AK9: variants seen among roughly 807,000 people sequenced by gnomAD.
AK9 encodes the protein adenylate kinase 9, also known as adenylate kinase domain containing 1.
A neutral mutation model predicts 239.6 loss-of-function variants in AK9; 191 were observed. That is an observed-to-expected ratio of 0.80 (90% CI 0.71 to 0.90). The LOEUF (loss-of-function observed/expected upper bound fraction) is 0.90, where lower values mean the gene tolerates loss of function less well. Among genes scored for constraint, AK9 ranks in the 40% least tolerant of loss-of-function variants. The pLI is 0.00. For missense variants in AK9, 1,995 were observed against 2,214.7 expected, an observed-to-expected ratio of 0.90 and a Z score of 1.99; for synonymous variants, 689 against 721.0, an observed-to-expected ratio of 0.96 and a Z score of 0.71.
At chr6:109,519,890 T>C (rs935117039) in intron 29 of AK9, among the ~76,000 whole-genome samples, 1 of 152,200 alleles carries the variant, frequency 6.6e-6, no homozygotes, top group Non-Finnish European at 1.5e-5. Context: ...GTTGGCTGCA[T>C]GTATGTCTTC....
At chr6:109,641,709 C>A in intron 9 of AK9, 93 bp from the exon 10 acceptor site, 1 of 1,016,136 alleles carries the variant, frequency 9.8e-7, no homozygotes, top group Non-Finnish European at 1.5e-6. Context: ...AGACCATGCT[C>A]CCCCTGACTC....
chr6:109,561,362 C>G, intron 24 of AK9, among the ~76,000 whole-genome samples: 1 of 152,186 alleles, frequency 6.6e-6, no homozygotes, highest in Non-Finnish European at 1.5e-5. Context: ...GTTGCCCAGG[C>G]TGGAGTGCAG....
At chr6:109,653,570 T>C (rs1303778100) in intron 8 of AK9, among the ~76,000 whole-genome samples, 1 of 152,218 alleles carries the variant, frequency 6.6e-6, no homozygotes, top group Non-Finnish European at 1.5e-5. Context: ...TTCCTTTCTA[T>C]GATTTATCTT....
intron 1 of AK9, among the ~76,000 whole-genome samples, chr6:109,686,676 C>T (rs952649520): frequency 6.6e-6 from 1 of 152,228 alleles, no homozygotes; most frequent in Non-Finnish European, 1.5e-5. Flanking sequence ...AGGAGCCTCT[C>T]TCTGTAGATC....
rs1424785607 is a variant in AK9, at chr6:109,591,712, G to A, written c.1843-5640C>T. ...GCTTTTATGTTTAGAAGTCCTTTGAGCATTTGTTGTAGGTACAGTCTAGTG... is the reference window on the plus strand; with the variant it reads ...GCTTTTATGTTTAGAAGTCCTTTGAACATTTGTTGTAGGTACAGTCTAGTG... On this transcript the variant is annotated intron_variant, in intron 17 of 40. Coordinates refer to ENST00000424296, the MANE Select transcript of AK9 (RefSeq NM_001145128.3). Among the ~76,000 whole-genome samples, 12 of 152,230 alleles carry A rather than the reference G, an allele frequency of 7.9e-5. No individual in the cohort carries two copies. The South Asian group carries it at 2.3e-3, about 29-fold the overall frequency.
chr6:109,514,438 C>G lies in AK9; in HGVS notation c.4066-1G>C. 6.5e-7 allele frequency: 1 copy of G among 1,539,408 alleles called. No individual in the cohort carries two copies. The highest frequency in any genetic ancestry group is 1.2e-5 in the South Asian group (1 of 82,722). On this transcript the variant is annotated splice_acceptor_variant, in intron 31 of 40. Transcript: ENST00000424296. LOFTEE classifies it high-confidence loss of function. ...GCTTGATTGTCTCTCCTTCACTTAG[C>G]TGCAACATATACACAGTTGAATTTG...
At chr6:109,663,024 C>T (rs1800636827) in intron 5 of AK9, among the ~76,000 whole-genome samples, 2 of 151,956 alleles carry the variant, frequency 1.3e-5, no homozygotes, top group East Asian at 1.9e-4. Flanking sequence ...ATAGGGGTTG[C>T]ATGCCATATT....
At position 109,507,031 on chromosome 6, in the gene AK9, G is replaced by A. The variant is rs142017180; in HGVS notation, c.4482-231C>T. ...TCCAAACACAGTTCAGAAGGTGGGC[G>A]TAGGAGAGAGCTCTGAATTTCTACA... On this transcript the variant is annotated intron_variant, in intron 33 of 40. Transcript: ENST00000424296. 2.5e-3 allele frequency among the ~76,000 whole-genome samples: 386 copies of A among 152,326 alleles called. 1 individual carries two copies. Among genetic ancestry groups the A allele is most frequent in the African/African-American group, 8.8e-3 (366 of 41,578 alleles).
intron 12 of AK9, among the ~76,000 whole-genome samples, chr6:109,626,342 C>T (rs867388503): frequency 6.8e-4 from 103 of 152,192 alleles, no homozygotes; most frequent in African/African-American, 2.4e-3. Context: ...ATATGGGTAA[C>T]GTTTTCCTGT....
At chr6:109,564,703 G>GA in intron 22 of AK9, 53 bp downstream of exon 22, 1 of 1,390,600 alleles carries the variant, frequency 7.2e-7, no homozygotes. Context: ...CCCTTTGTAA[G>GA]AAAATATGAA....
chr6:109,639,730 A>C (rs1329006360), intron 10 of AK9, among the ~76,000 whole-genome samples: 1 of 152,192 alleles, frequency 6.6e-6, no homozygotes, highest in Non-Finnish European at 1.5e-5. Flanking sequence ...GCCCCTGCCT[A>C]CGTCCTGAAT....
chr6:109,603,437 C>T (rs950489413), intron 17 of AK9, among the ~76,000 whole-genome samples: 6 of 152,152 alleles, frequency 3.9e-5, no homozygotes, highest in Admixed American at 1.3e-4. Flanking sequence ...CTGGAAGCTT[C>T]GTCTCAGAGG....
At chr6:109,508,258 C>CT (rs2128106566) in intron 33 of AK9, among the ~76,000 whole-genome samples, 1 of 152,266 alleles carries the variant, frequency 6.6e-6, no homozygotes, top group Non-Finnish European at 1.5e-5. Context: ...AGTAGCTCAA[C>CT]TTCTTTGTCC....
intron 25 of AK9, among the ~76,000 whole-genome samples, chr6:109,548,770 T>C (rs1020167607): frequency 2.6e-5 from 4 of 152,198 alleles, no homozygotes; most frequent in Non-Finnish European, 2.9e-5. Flanking sequence ...GAGCTTTCGA[T>C]GGAAATTTTA....
intron 38 of AK9, among the ~76,000 whole-genome samples, chr6:109,497,088 A>G (rs2024849): frequency 0.37 from 56,815 of 151,650 alleles, 10,673 homozygotes; most frequent in South Asian, 0.44. Context: ...AATACCCTAG[A>G]CCAGGTTTGT....
rs370853204 is a variant in AK9, at chr6:109,497,843, C to T, written c.5169G>A (p.Ala1723=). The change falls in exon 37 of 41, where the codon GCG becomes GCA. Residue 1723 remains alanine, a synonymous_variant. Transcript: ENST00000424296. ...SELKSRFPKC[A]ELQGYCPVTY... ...TCACTGGACAGTAGCCCTGGAGCTC[C>T]GCACACTTAGGGAATCGACTCTTCA... 56 of 1,613,920 alleles carry T rather than the reference C, an allele frequency of 3.5e-5. No individual in the cohort carries two copies. Among genetic ancestry groups the T allele is most frequent in the South Asian group, 2.3e-4 (21 of 91,068 alleles).
intron 24 of AK9, among the ~76,000 whole-genome samples, chr6:109,555,280 T>C (rs937782559): frequency 6.6e-6 from 1 of 152,240 alleles, no homozygotes; most frequent in Non-Finnish European, 1.5e-5. Context: ...CCAGCAATCA[T>C]TCAGGAGCAG....
chr6:109,588,234 C>G (rs537856574), intron 17 of AK9, among the ~76,000 whole-genome samples: 1 of 152,196 alleles, frequency 6.6e-6, no homozygotes, highest in South Asian at 2.1e-4. Context: ...CCATGCCTGG[C>G]TAATTTTTGT....
chr6:109,541,958 C>A (rs759070082), intron 27 of AK9, 89 bp downstream of exon 27: 9 of 1,165,246 alleles, frequency 7.7e-6, no homozygotes, highest in Non-Finnish European at 1.0e-5. Context: ...GGAGAAAGTT[C>A]TTAAATGTAT....
Sources: allele counts gnomAD v4.1 joint callset (sites outside exome capture counted in the v4.1 genomes callset), GRCh38; gene constraint gnomAD v4.1.1; transcripts MANE v1.5; gene names NCBI Gene and HGNC (gene_info 2026-07-23, HGNC 2026-07-21).